The following ABLIM3 variants were observed in gnomAD, a reference collection of about 807,000 sequenced individuals.
ABLIM3 encodes the protein actin binding LIM protein family member 3, also known as actin-binding LIM protein 3.
ABLIM3 carries 61 observed loss-of-function variants against 109.5 expected under a neutral mutation model. The observed-to-expected ratio is 0.56, with a 90% CI of 0.45 to 0.69. ABLIM3 has a LOEUF of 0.69. Ranked by LOEUF, ABLIM3 falls within the 30% of genes least tolerant of loss-of-function variation. The probability of loss-of-function intolerance (pLI) is 0.00; values close to 1 mark genes in which losing one functional copy is unlikely to be tolerated. For synonymous variants in ABLIM3, 300 were observed against 324.8 expected (o/e 0.92, Z 0.82); for missense variants, 796 against 889.5 (o/e 0.89, Z 1.34).
At chr5:149,200,538 T>G (rs1758396588) in intron 5 of ABLIM3, 110 bp downstream of exon 5, 1 of 1,133,668 alleles carries the variant, frequency 8.8e-7, no homozygotes, top group African/African-American at 1.5e-5. Context: ...TGGGAGAGGT[T>G]CCCAACCTGG....
chr5:149,200,635 C>T (rs1758405066), intron 5 of ABLIM3: 1 of 587,802 alleles, frequency 1.7e-6, no homozygotes, highest in South Asian at 2.1e-5. Flanking sequence ...GCTGCCTGGC[C>T]ATAAACAGTG....
intron 5 of ABLIM3, among the ~76,000 whole-genome samples, chr5:149,205,555 T>C (rs1372174755): frequency 6.6e-6 from 1 of 152,142 alleles, no homozygotes; most frequent in Non-Finnish European, 1.5e-5. Flanking sequence ...CCCCTGTCTA[T>C]CTGTAAAAGA....
intron 6 of ABLIM3, among the ~76,000 whole-genome samples, chr5:149,209,405 A>G (rs1759325979): frequency 6.6e-6 from 1 of 152,228 alleles, no homozygotes; most frequent in East Asian, 1.9e-4. Context: ...AAGGGACTCC[A>G]CTGCTCAGAG....
At position 149,199,220 on chromosome 5, in the gene ABLIM3, A is replaced by G; in HGVS notation, c.335+818A>G. ...CCACAAATACATTAAATGTTAATGG[A>G]CAGCTCTGATTACATCATAAGTAAA... On this transcript the variant is annotated intron_variant, in intron 4 of 23. Coordinates refer to ENST00000309868, the MANE Select transcript of ABLIM3 (RefSeq NM_014945.5). The G allele has an allele frequency of 3.0e-5, 13 of 438,102 alleles. 1 individual carries two copies. Among genetic ancestry groups the G allele is most frequent in the South Asian group, 2.2e-4 (13 of 60,238 alleles). 27.1% of individuals were successfully genotyped at this position (438,102 alleles called of 1,614,324 possible).
At chr5:149,157,182 G>A (rs984399105) in intron 2 of ABLIM3, among the ~76,000 whole-genome samples, 1 of 152,146 alleles carries the variant, frequency 6.6e-6, no homozygotes, top group Non-Finnish European at 1.5e-5. Context: ...CTTCTCAAGT[G>A]GCCATTAAAT....
chr5:149,188,319 A>G (rs1297647415), intron 3 of ABLIM3, among the ~76,000 whole-genome samples: 1 of 152,244 alleles, frequency 6.6e-6, no homozygotes, highest in African/African-American at 2.4e-5. Context: ...AGGTTTCAAG[A>G]TATAAGATCA....
chr5:149,205,488 C>T (rs1237917415), intron 5 of ABLIM3, among the ~76,000 whole-genome samples: 1 of 152,136 alleles, frequency 6.6e-6, no homozygotes, highest in Non-Finnish European at 1.5e-5. Context: ...GAAAGCTTGA[C>T]CAGGTGTCTA....
At chr5:149,231,797 A>G (rs1454961378) in intron 9 of ABLIM3, among the ~76,000 whole-genome samples, 1 of 152,146 alleles carries the variant, frequency 6.6e-6, no homozygotes, top group Non-Finnish European at 1.5e-5. Flanking sequence ...CACCTGTTTC[A>G]TTATATGCTT....
chr5:149,191,907 G>T (rs866745681), intron 3 of ABLIM3, among the ~76,000 whole-genome samples: 1 of 152,100 alleles, frequency 6.6e-6, no homozygotes, highest in African/African-American at 2.4e-5. Context: ...GCCCAGGCTG[G>T]AGTGCAGTGG....
intron 20 of ABLIM3, 148 bp downstream of exon 20, chr5:149,250,653 C>T: frequency 1.0e-6 from 1 of 958,182 alleles, no homozygotes; most frequent in Non-Finnish European, 1.6e-6. Context: ...ATGACTTGCT[C>T]CCCTCCCTGG....
At chr5:149,206,966 G>A in intron 5 of ABLIM3, 42 bp from the exon 6 acceptor site, 2 of 1,595,636 alleles carry the variant, frequency 1.3e-6, no homozygotes, top group Non-Finnish European at 8.6e-7. Context: ...GGGGTTAAAG[G>A]GCCCAGGGTG....
Position 149,198,449 on chromosome 5 carries a change from G to T in ABLIM3, c.335+47G>T. On this transcript the variant is annotated intron_variant, in intron 4 of 23. Coordinates refer to ENST00000309868, the MANE Select transcript of ABLIM3 (RefSeq NM_014945.5). The surrounding 1 kb of genome is among the most constrained non-coding windows in gnomAD (Gnocchi z 4.2). ...CCTGGGACCCTCTGCATAAGCCCCCGGGGCAGGGGAAGACCTGGCTTTTTC... is the reference window on the plus strand; with the variant it reads ...CCTGGGACCCTCTGCATAAGCCCCCTGGGCAGGGGAAGACCTGGCTTTTTC... 1 of 1,535,448 alleles carries T rather than the reference G, an allele frequency of 6.5e-7. No individual in the cohort carries two copies.
intron 5 of ABLIM3, among the ~76,000 whole-genome samples, chr5:149,205,700 T>G (rs1048487149): frequency 6.6e-6 from 1 of 152,186 alleles, no homozygotes; most frequent in Admixed American, 6.5e-5. Flanking sequence ...CTTTATTCTC[T>G]CAGCCCCCAT....
chr5:149,150,494 T>G (rs1753327636), intron 2 of ABLIM3, among the ~76,000 whole-genome samples: 1 of 152,162 alleles, frequency 6.6e-6, no homozygotes, highest in African/African-American at 2.4e-5. Flanking sequence ...AATTTTAAAA[T>G]CACCCAAAAT....
At chr5:149,210,056 C>T (rs1759388567) in intron 6 of ABLIM3, among the ~76,000 whole-genome samples, 1 of 152,178 alleles carries the variant, frequency 6.6e-6, no homozygotes, top group Admixed American at 6.5e-5. Flanking sequence ...CTCCGATGCC[C>T]CCAACTATCT....
Position 149,198,437 on chromosome 5 carries a change from G to T in ABLIM3, c.335+35G>T. ...CGACCAGCAGGGCCTGGGACCCTCT[G>T]CATAAGCCCCCGGGGCAGGGGAAGA... On this transcript the variant is annotated intron_variant, in intron 4 of 23. Transcript: ENST00000309868. This position sits in a 1 kb window ranked among gnomAD's most constrained non-coding sequence, Gnocchi z 4.2. The T allele has an allele frequency of 6.4e-7, 1 of 1,564,812 alleles. No individual in the cohort carries two copies. The highest frequency in any genetic ancestry group is 1.2e-5 in the South Asian group (1 of 82,048).
At chr5:149,145,960 A>G (rs1752889256) in intron 2 of ABLIM3, among the ~76,000 whole-genome samples, 1 of 151,858 alleles carries the variant, frequency 6.6e-6, no homozygotes, top group African/African-American at 2.4e-5. Flanking sequence ...TAAGTTTTGT[A>G]TGTTTATTTT....
At chr5:149,207,605 A>G (rs1261438495) in intron 6 of ABLIM3, among the ~76,000 whole-genome samples, 1 of 152,170 alleles carries the variant, frequency 6.6e-6, no homozygotes, top group African/African-American at 2.4e-5. Flanking sequence ...AAATCCTCAT[A>G]ACTGCCCCTT....
intron 2 of ABLIM3, among the ~76,000 whole-genome samples, chr5:149,148,638 G>A (rs1433374370): frequency 1.3e-5 from 2 of 152,190 alleles, no homozygotes; most frequent in East Asian, 3.8e-4. Context: ...TCTGCTTAAA[G>A]TGAGGCTCCC....
Sources: gnomAD v4.1 joint callset for allele counts (sites outside exome capture counted in the v4.1 genomes callset) on GRCh38, gnomAD v4.1.1 for gene constraint, Gnocchi (gnomAD v3.1) non-coding constraint, MANE v1.5 for transcripts, NCBI Gene and HGNC (gene_info 2026-07-23, HGNC 2026-07-21) for gene names.